TAF12: variants seen among roughly 807,000 people sequenced by gnomAD.
The protein encoded by TAF12 is TATA-box binding protein associated factor 12.
TAF12 carries 3 observed loss-of-function variants against 20.8 expected under a neutral mutation model. The observed-to-expected ratio is 0.14, with a 90% CI of 0.07 to 0.37. The LOEUF is 0.37. Ranked by LOEUF, TAF12 falls within the 10% of genes least tolerant of loss-of-function variation. TAF12 has a pLI of 1.00. For missense variants in TAF12, 131 were observed against 197.9 expected (o/e 0.66, Z 2.03); for synonymous variants, 69 against 70.2 (o/e 0.98, Z 0.09).
At chr1:28,604,676 C>T (rs1264701188) in intron 5 of TAF12, among the ~76,000 whole-genome samples, 4 of 152,146 alleles carry the variant, frequency 2.6e-5, no homozygotes, top group Non-Finnish European at 5.9e-5. Flanking sequence ...CAGGCTATGG[C>T]GAAGCAGGGG....
chr1:28,646,590 GCA>G (rs1471595313), upstream of TAF12, among the ~76,000 whole-genome samples: 2 of 151,960 alleles, frequency 1.3e-5, no homozygotes, highest in Non-Finnish European at 2.9e-5. Context: ...GAGTGCAATG[GCA>G]CAGTCTCGGC....
At chr1:28,622,619 T>A (rs1314132642) in intron 1 of TAF12, among the ~76,000 whole-genome samples, 1 of 152,112 alleles carries the variant, frequency 6.6e-6, no homozygotes, top group Non-Finnish European at 1.5e-5. Context: ...CCGCGTGCAG[T>A]AGCTCATGTC....
At chr1:28,616,589 C>T (rs891181683) in intron 3 of TAF12, among the ~76,000 whole-genome samples, 43 of 150,592 alleles carry the variant, frequency 2.9e-4, no homozygotes, top group African/African-American at 1.0e-3. Context: ...CAAAAATTAG[C>T]CAGGTGTGGT....
rs890453025 is a variant in TAF12 at position 28,605,515 on chromosome 1, G to A, written c.362-55C>T. ...ACGTACCAAGAAGGCAGTACCAGGA[G>A]TGCAATGTGACCCCCTTGGATCAGG... On this transcript the variant is annotated intron_variant, in intron 4 of 5. Transcript: ENST00000373824. 9.6e-6 allele frequency: 15 copies of A among 1,558,418 alleles called. 1 individual carries two copies. Among genetic ancestry groups the A allele is most frequent in the Middle Eastern group, 3.5e-4 (2 of 5,696 alleles).
intron 1 of TAF12, 75 bp from the exon 2 acceptor site, chr1:28,622,240 C>A: frequency 7.4e-7 from 1 of 1,360,126 alleles, no homozygotes; most frequent in South Asian, 1.8e-5. Context: ...TAAAAAGAGG[C>A]CTGGTGCAAT....
chr1:28,642,954 C>T (rs1668085897), intron 1 of TAF12, 38 bp downstream of exon 1: 3 of 986,332 alleles, frequency 3.0e-6, no homozygotes, highest in Non-Finnish European at 3.6e-6. Flanking sequence ...CTCCCTCCTC[C>T]CGCTCTTGTT....
chr1:28,621,097 T>G (rs1408276320), intron 2 of TAF12, among the ~76,000 whole-genome samples: 2 of 152,130 alleles, frequency 1.3e-5, no homozygotes, highest in Non-Finnish European at 1.5e-5. Context: ...GGAAATTGAC[T>G]AGTACAGGTC....
chr1:28,646,632 G>C (rs1447569381), upstream of TAF12, among the ~76,000 whole-genome samples: 3 of 151,684 alleles, frequency 2.0e-5, no homozygotes, highest in African/African-American at 7.3e-5. Context: ...CCAGGTTCAA[G>C]TGATTCTCCT....
At chr1:28,626,103 T>G (rs998989258) in intron 1 of TAF12, among the ~76,000 whole-genome samples, 1 of 151,578 alleles carries the variant, frequency 6.6e-6, no homozygotes, top group African/African-American at 2.4e-5. Context: ...CTCAGCCTCC[T>G]GGGTAGCTGG....
intron 4 of TAF12, among the ~76,000 whole-genome samples, chr1:28,607,843 G>T (rs1666718836): frequency 1.3e-5 from 2 of 150,708 alleles, no homozygotes; most frequent in Admixed American, 1.3e-4. Context: ...TGCCTCAAAA[G>T]AAAACAAAAA....
intron 2 of TAF12, among the ~76,000 whole-genome samples, chr1:28,620,919 T>C (rs965285643): frequency 5.9e-5 from 9 of 152,214 alleles, no homozygotes; most frequent in African/African-American, 2.2e-4. Flanking sequence ...TCTTGATTTA[T>C]TGCAAAAATC....
chr1:28,637,228 G>A (rs994494268), intron 1 of TAF12, among the ~76,000 whole-genome samples: 3 of 152,070 alleles, frequency 2.0e-5, no homozygotes, highest in Admixed American at 1.3e-4. Context: ...GTTGGCCCAG[G>A]CAAATTCTTT....
chr1:28,641,407 G>T (rs964334191), intron 1 of TAF12, among the ~76,000 whole-genome samples: 3 of 152,010 alleles, frequency 2.0e-5, no homozygotes, highest in Non-Finnish European at 4.4e-5. Context: ...CGTTTGAACT[G>T]GGGAAGCAGA....
chr1:28,641,427 G>A (rs1464187060), intron 1 of TAF12, among the ~76,000 whole-genome samples: 2 of 152,074 alleles, frequency 1.3e-5, no homozygotes, highest in Non-Finnish European at 2.9e-5. Flanking sequence ...AGATTGCAGT[G>A]AGCCGAGATC....
Position 28,621,951 on chromosome 1 carries a change from G to A in TAF12, c.131C>T (p.Pro44Leu), listed in dbSNP as rs1667233542. 6.2e-7 allele frequency: 1 copy of A among 1,613,830 alleles called. No individual in the cohort carries two copies. The highest frequency in any genetic ancestry group is 1.3e-5 in the African/African-American group (1 of 75,030). The change falls in exon 2 of 6, where the codon CCT (proline) becomes CTT (leucine). Residue 44 changes from proline to leucine, a missense_variant. By Grantham distance (98) the Pro-to-Leu change is moderately conservative. Transcript: ENST00000373824. ...AGGGCTAAGACGACCTCCTGCCCCAGGAGTGCCTGGTATCTTTACCACTGC... is the reference window on the plus strand; with the variant it reads ...AGGGCTAAGACGACCTCCTGCCCCAAGAGTGCCTGGTATCTTTACCACTGC... ...STAVVKIPGT[P>L]GAGGRLSPEN...
At chr1:28,625,986 C>CTT (rs1234091351) in intron 1 of TAF12, among the ~76,000 whole-genome samples, 1 of 142,448 alleles carries the variant, frequency 7.0e-6, no homozygotes, top group Non-Finnish European at 1.5e-5. Context: ...AGCCCCGTCT[C>CTT]TTTTTTTTTT....
At chr1:28,608,615 C>T (rs1483942755) in intron 4 of TAF12, among the ~76,000 whole-genome samples, 4 of 146,970 alleles carry the variant, frequency 2.7e-5, no homozygotes, top group African/African-American at 5.0e-5. Context: ...ATTAGCCAGG[C>T]GTGGTGGCGT....
At chr1:28,640,741 C>T (rs2124391712) in intron 1 of TAF12, among the ~76,000 whole-genome samples, 1 of 152,302 alleles carries the variant, frequency 6.6e-6, no homozygotes, top group South Asian at 2.1e-4. Flanking sequence ...TTATTTATGA[C>T]TTTCCAAACA....
At chr1:28,607,239 A>C (rs1181893570) in intron 4 of TAF12, among the ~76,000 whole-genome samples, 1 of 152,232 alleles carries the variant, frequency 6.6e-6, no homozygotes, top group Non-Finnish European at 1.5e-5. Flanking sequence ...TTAGTATTTG[A>C]AAGTGACACT....
Sources: gnomAD v4.1 joint callset for allele counts (sites outside exome capture counted in the v4.1 genomes callset) on GRCh38, gnomAD v4.1.1 for gene constraint, MANE v1.5 for transcripts, NCBI Gene and HGNC (gene_info 2026-07-23, HGNC 2026-07-21) for gene names.